GNB4: variants seen among roughly 807,000 people sequenced by gnomAD.
GNB4 encodes the protein G protein subunit beta 4.
A neutral mutation model predicts 45.2 loss-of-function variants in GNB4; 28 were observed. The observed-to-expected ratio is 0.62, with a 90% CI of 0.46 to 0.85. GNB4 has a LOEUF of 0.85. Among genes scored for constraint, GNB4 ranks in the 40% least tolerant of loss-of-function variants. The pLI is 0.00. For missense variants in GNB4, 321 were observed against 425.4 expected (o/e 0.75, Z 2.16); for synonymous variants, 132 against 143.7 (o/e 0.92, Z 0.58).
intron 1 of GNB4, among the ~76,000 whole-genome samples, chr3:179,443,093 T>G (rs761187787): frequency 2.0e-5 from 3 of 152,200 alleles, no homozygotes; most frequent in Admixed American, 6.5e-5. Context: ...ATATCAGAAT[T>G]TCATCCAACA....
At chr3:179,484,305 T>C in the GNB4 span, among the ~76,000 whole-genome samples, 1 of 152,254 alleles carries the variant, frequency 6.6e-6, no homozygotes, top group African/African-American at 2.4e-5. Flanking sequence ...CTTCGGGTTC[T>C]GTTCCTCCAG....
the GNB4 span, among the ~76,000 whole-genome samples, chr3:179,488,998 AAAAAAAAAAAAAAAAAAAAAAATATATAT>A: frequency 1.3e-4 from 4 of 30,436 alleles, 1 homozygote; most frequent in Non-Finnish European, 2.0e-4. Flanking sequence ...AAAAAAAAAA[AAAAAAAAAAAAAAAAAAAAAAATATATAT>A]ATATATATAT....
the GNB4 span, among the ~76,000 whole-genome samples, chr3:179,479,666 G>C: frequency 5.9e-5 from 9 of 152,196 alleles, no homozygotes; most frequent in African/African-American, 2.2e-4. Context: ...AGGTCGTCCT[G>C]TGAGCCAATT....
the GNB4 span, chr3:179,465,342 A>G: frequency 2.5e-5 from 27 of 1,096,758 alleles, no homozygotes; most frequent in Middle Eastern, 2.3e-4. Flanking sequence ...GGTGGCTCAC[A>G]CCTGTAATCC....
the GNB4 span, among the ~76,000 whole-genome samples, chr3:179,475,321 A>G: frequency 1.5e-3 from 221 of 151,778 alleles, 1 homozygote; most frequent in Middle Eastern, 6.8e-3. Context: ...AGGTTTCACC[A>G]TGTTAGCCAG....
chr3:179,484,161 A>G, the GNB4 span, among the ~76,000 whole-genome samples: 1 of 152,222 alleles, frequency 6.6e-6, no homozygotes, highest in African/African-American at 2.4e-5. Context: ...GTATTCTTCA[A>G]TTAATGAGGG....
At chr3:179,462,605 G>T in the GNB4 span, among the ~76,000 whole-genome samples, 28 of 152,084 alleles carry the variant, frequency 1.8e-4, no homozygotes, top group African/African-American at 6.5e-4. Flanking sequence ...TTGGGAGGCC[G>T]AGGCGGGCAA....
chr3:179,428,795 T>A (rs1255988948), intron 1 of GNB4, among the ~76,000 whole-genome samples: 4 of 152,122 alleles, frequency 2.6e-5, no homozygotes, highest in African/African-American at 9.7e-5. Context: ...TTTAAGCTTA[T>A]TAAAAATTAC....
chr3:179,461,186 A>C, the GNB4 span, among the ~76,000 whole-genome samples: 1 of 152,182 alleles, frequency 6.6e-6, no homozygotes, highest in East Asian at 1.9e-4. Context: ...GGACATGGCA[A>C]CTGCCGCCCC....
At chr3:179,431,377 C>T (rs559012331) in intron 1 of GNB4, among the ~76,000 whole-genome samples, 36 of 151,814 alleles carry the variant, frequency 2.4e-4, no homozygotes, top group African/African-American at 8.0e-4. Flanking sequence ...ACCAATATGG[C>T]GAAACCCCAT....
chr3:179,420,024 A>G (rs1440819916), intron 3 of GNB4, among the ~76,000 whole-genome samples: 1 of 152,002 alleles, frequency 6.6e-6, no homozygotes, highest in African/African-American at 2.4e-5. Context: ...TTTCATAAGG[A>G]AAAAAACACT....
intron 8 of GNB4, among the ~76,000 whole-genome samples, chr3:179,408,518 C>T (rs969421927): frequency 1.3e-5 from 2 of 152,052 alleles, no homozygotes; most frequent in African/African-American, 4.8e-5. Context: ...GGGCTCGGTG[C>T]GGTGGCTCAC....
At chr3:179,437,329 C>T (rs1203828682) in intron 1 of GNB4, among the ~76,000 whole-genome samples, 1 of 152,132 alleles carries the variant, frequency 6.6e-6, no homozygotes, top group Non-Finnish European at 1.5e-5. Context: ...CTTTGGGAGG[C>T]CGAGGCAGGC....
In GNB4 at chr3:179,398,652, T is replaced by C. The variant is rs1367853058; in HGVS notation, c.*2561A>G. 1.3e-5 allele frequency: 2 copies of C among 152,134 alleles called. No individual in the cohort carries two copies. The highest frequency in any genetic ancestry group is 2.1e-4 in the South Asian group (1 of 4,826). The allele number at this position is 152,134 out of a possible 1,614,324, so 9.4% of individuals were successfully genotyped here. On this transcript the variant is annotated 3_prime_UTR_variant, in exon 10 of 10. Coordinates refer to ENST00000232564, the MANE Select transcript of GNB4 (RefSeq NM_021629.4). ...CTATTCAACATCTCTACAAATTATA[T>C]ACTCATTGAATTCAGGAACAATAAC... is the stretch of plus-strand genomic sequence containing the variant.
chr3:179,499,099 C>G, the GNB4 span, among the ~76,000 whole-genome samples: 1 of 150,844 alleles, frequency 6.6e-6, no homozygotes, highest in Non-Finnish European at 1.5e-5. Flanking sequence ...TTAACTCATC[C>G]TTTTTTATGG....
intron 1 of GNB4, among the ~76,000 whole-genome samples, chr3:179,435,468 T>TATA (rs1196803321): frequency 2.1e-5 from 1 of 48,588 alleles, no homozygotes; most frequent in African/African-American, 6.9e-5. Context: ...TCCTTTCTTT[T>TATA]ACAAAAAAAA....
At chr3:179,451,249 G>A (rs7644141) in intron 1 of GNB4, 97 bp downstream of exon 1, 37,688 of 151,496 alleles carry the variant, frequency 0.25, 5,093 homozygotes, top group Admixed American at 0.29. Flanking sequence ...GCCCCGTTCC[G>A]CAGGGGTGGC....
chr3:179,408,556 C>T (rs960276596), intron 8 of GNB4, among the ~76,000 whole-genome samples: 2 of 151,804 alleles, frequency 1.3e-5, no homozygotes, highest in South Asian at 4.2e-4. Context: ...TTTGGGAGGC[C>T]GAGGCAGACA....
the GNB4 span, among the ~76,000 whole-genome samples, chr3:179,464,017 C>T: frequency 2.6e-5 from 4 of 152,148 alleles, no homozygotes; most frequent in African/African-American, 9.7e-5. Context: ...CTATGACAGA[C>T]AATCAATGTG....
Sources: allele counts gnomAD v4.1 joint callset (sites outside exome capture counted in the v4.1 genomes callset), GRCh38; gene constraint gnomAD v4.1.1; transcripts MANE v1.5; gene names NCBI Gene and HGNC (gene_info 2026-07-23, HGNC 2026-07-21).